CADPS: variants seen among roughly 807,000 people sequenced by gnomAD.
The protein encoded by CADPS is calcium dependent secretion activator.
CADPS carries 57 observed loss-of-function variants against 167.3 expected under a neutral mutation model. The observed-to-expected ratio is 0.34, with a 90% CI of 0.28 to 0.42. The LOEUF (loss-of-function observed/expected upper bound fraction) is 0.42, where lower values mean the gene tolerates loss of function less well. CADPS is among the 20% of genes least tolerant of loss of function. The probability of loss-of-function intolerance (pLI) is 1.00; values close to 1 mark genes in which losing one functional copy is unlikely to be tolerated. For synonymous variants in CADPS, 676 were observed against 635.3 expected (o/e 1.06, Z -0.96); for missense variants, 1,414 against 1,738.1 (o/e 0.81, Z 3.32).
chr3:62,714,842 A>G (rs6796109), intron 3 of CADPS, among the ~76,000 whole-genome samples: 97,672 of 151,974 alleles, frequency 0.64, 31,761 homozygotes, highest in East Asian at 0.77. Context: ...GTTTCTACCT[A>G]TAGACTAAAA....
intron 21 of CADPS, among the ~76,000 whole-genome samples, chr3:62,486,188 T>A (rs113454570): frequency 0.012 from 1,845 of 152,346 alleles, 36 homozygotes; most frequent in African/African-American, 0.042. Flanking sequence ...GGCTCACGCC[T>A]GTGATCCCAG....
intron 1 of CADPS, among the ~76,000 whole-genome samples, chr3:62,873,715 G>A (rs2083084422): frequency 1.3e-5 from 2 of 151,236 alleles, no homozygotes; most frequent in Middle Eastern, 3.4e-3. Flanking sequence ...AGATTGCGAA[G>A]CTTTTTGCAG....
intron 2 of CADPS, among the ~76,000 whole-genome samples, chr3:62,757,368 G>A (rs957973886): frequency 6.6e-6 from 1 of 152,010 alleles, no homozygotes; most frequent in Non-Finnish European, 1.5e-5. Context: ...TAGACTATAA[G>A]TTCCAGGGAG....
chr3:62,478,061 AT>A lies in CADPS; in HGVS notation c.3329+199del. The A allele has an allele frequency of 1.8e-6, 1 of 545,702 alleles. No homozygotes were observed. The highest frequency in any genetic ancestry group is 3.1e-5 in the Admixed American group (1 of 32,428). The allele number at this position is 545,702 out of a possible 1,614,324, so 33.8% of individuals were successfully genotyped here. ...CCATGAAAAAATTGGCAGCCAGATT[AT>A]TTTGGGTTTGGGACAGATGGAGGGC... is the stretch of plus-strand genomic sequence containing the variant. On this transcript the variant is annotated intron_variant, in intron 23 of 29. Transcript: ENST00000383710. This position sits in a 1 kb window ranked among gnomAD's most constrained non-coding sequence, Gnocchi z 5.7.
chr3:62,530,741 G>A (rs756524648), intron 13 of CADPS: 1 of 1,288,628 alleles, frequency 7.8e-7, no homozygotes, highest in South Asian at 1.2e-5. Flanking sequence ...TGGTTCAGGT[G>A]GGGAGGGAGT....
At chr3:62,473,903 C>T (rs1005592471) in intron 24 of CADPS, 13 of 316,492 alleles carry the variant, frequency 4.1e-5, no homozygotes, top group Non-Finnish European at 5.7e-5. Context: ...TAAATAAGGT[C>T]GTCAAACTTC....
intron 10 of CADPS, among the ~76,000 whole-genome samples, chr3:62,553,716 C>A (rs2077666057): frequency 6.6e-6 from 1 of 152,182 alleles, no homozygotes; most frequent in Admixed American, 6.5e-5. Flanking sequence ...GAGGACACAC[C>A]AAGGAAAGCA....
chr3:62,685,193 C>T (rs4688307), intron 3 of CADPS, among the ~76,000 whole-genome samples: 72,489 of 151,696 alleles, frequency 0.48, 18,556 homozygotes, highest in East Asian at 0.86. Flanking sequence ...TAGATGAAAA[C>T]GGAGTGGTGA....
intron 28 of CADPS, among the ~76,000 whole-genome samples, chr3:62,409,158 T>C (rs983016255): frequency 4.6e-5 from 7 of 152,248 alleles, no homozygotes; most frequent in African/African-American, 1.7e-4. Context: ...ATAGGTTACA[T>C]AAGCAGCCTA....
chr3:62,521,498 G>A (rs544750806), intron 13 of CADPS, among the ~76,000 whole-genome samples: 2 of 152,248 alleles, frequency 1.3e-5, no homozygotes, highest in South Asian at 2.1e-4. Context: ...ATATTTGGGG[G>A]TGATTCTACA....
In CADPS at chr3:62,433,864, T is replaced by G. The variant is rs2149673831; in HGVS notation, c.3777+4240A>C. On this transcript the variant is annotated intron_variant, in intron 28 of 29. Transcript: ENST00000383710. The surrounding 1 kb of genome is among the most constrained non-coding windows in gnomAD (Gnocchi z 4.7). ...AATTTCAAAAAGCATGTTTTTATTT[T>G]GGGGAAGATGTTGAATTAATCACTA... is the stretch of plus-strand genomic sequence containing the variant. Among the ~76,000 whole-genome samples the G allele has an allele frequency of 6.6e-6, 1 of 152,328 alleles. No homozygotes were observed. Among genetic ancestry groups the G allele is most frequent in the East Asian group, 1.9e-4 (1 of 5,180 alleles).
intron 3 of CADPS, among the ~76,000 whole-genome samples, chr3:62,678,351 A>C (rs1024585073): frequency 6.6e-6 from 1 of 152,134 alleles, no homozygotes; most frequent in African/African-American, 2.4e-5. Flanking sequence ...GAAAATCCCC[A>C]TTCTTTTTCC....
chr3:62,601,616 A>G lies in CADPS; in HGVS notation c.1326-8868T>C, dbSNP rs2059985611. On this transcript the variant is annotated intron_variant, in intron 6 of 29. Transcript: ENST00000383710. This position sits in a 1 kb window ranked among gnomAD's most constrained non-coding sequence, Gnocchi z 4.3. ...TCTAGCACTCTTAGTTTATTAGAAA[A>G]TTGGGGCTTGTGTATCATAGCATTT... Among the ~76,000 whole-genome samples the G allele has an allele frequency of 6.6e-6, 1 of 152,178 alleles. No individual in the cohort carries two copies. The highest frequency in any genetic ancestry group is 2.4e-5 in the African/African-American group (1 of 41,444).
Position 62,669,625 on chromosome 3 carries a change from T to C in CADPS, c.889-7231A>G, listed in dbSNP as rs1185696637. On this transcript the variant is annotated intron_variant, in intron 3 of 29. Transcript: ENST00000383710. ...ACTCCACTGTCCAAGTTCAAATCTT[T>C]GCCTTTCCACTTTAAAGCTGAGCAA... Among the ~76,000 whole-genome samples the C allele has an allele frequency of 3.9e-5, 6 of 152,192 alleles. No individual in the cohort carries two copies. The East Asian group carries it at 1.2e-3, about 29-fold the overall frequency.
chr3:62,785,914 GAA>G (rs571340822), intron 1 of CADPS, among the ~76,000 whole-genome samples: 89 of 112,534 alleles, frequency 7.9e-4, no homozygotes, highest in Middle Eastern at 4.5e-3. Flanking sequence ...TTTTCAAAAA[GAA>G]AAAAAAAAAA....
At chr3:62,779,518 C>A (rs2091119915) in intron 1 of CADPS, 1 of 537,306 alleles carries the variant, frequency 1.9e-6, no homozygotes, top group Non-Finnish European at 3.8e-6. Context: ...ATCTTCTTGG[C>A]CCATCATGTG....
chr3:62,846,054 G>GCTCTCT (rs112418953), intron 1 of CADPS, among the ~76,000 whole-genome samples: 6 of 148,260 alleles, frequency 4.0e-5, no homozygotes, highest in African/African-American at 1.5e-4. Context: ...TTCCCCCTTT[G>GCTCTCT]CTCTCTCTCT....
intron 8 of CADPS, among the ~76,000 whole-genome samples, chr3:62,582,536 G>A (rs373986783): frequency 7.2e-5 from 11 of 152,244 alleles, no homozygotes; most frequent in Admixed American, 5.2e-4. Flanking sequence ...ACTGGGCTCA[G>A]TAAAACTATT....
intron 8 of CADPS, among the ~76,000 whole-genome samples, chr3:62,574,368 A>T (rs1181183365): frequency 1.3e-5 from 2 of 150,192 alleles, no homozygotes; most frequent in Non-Finnish European, 2.9e-5. Context: ...AATACACTGT[A>T]GGAGGAAGCG....
Sources: gnomAD v4.1 joint callset for allele counts (sites outside exome capture counted in the v4.1 genomes callset) on GRCh38, gnomAD v4.1.1 for gene constraint, Gnocchi (gnomAD v3.1) non-coding constraint, MANE v1.5 for transcripts, NCBI Gene and HGNC (gene_info 2026-07-23, HGNC 2026-07-21) for gene names.